SLC22A23: variants seen among roughly 807,000 people sequenced by gnomAD.
SLC22A23 encodes the protein solute carrier family 22 member 23.
In SLC22A23, 26 loss-of-function variants were observed where a neutral mutation model predicts 61.0. The ratio of observed to expected loss-of-function variants is 0.43; its 90% confidence interval spans 0.31 to 0.59. The LOEUF is 0.59. Among genes scored for constraint, SLC22A23 ranks in the 20% least tolerant of loss-of-function variants. The pLI, the probability that SLC22A23 is intolerant of heterozygous loss-of-function variation, is 0.11. For synonymous variants in SLC22A23, 430 were observed against 413.9 expected (o/e 1.04, Z -0.47); for missense variants, 796 against 934.7 (o/e 0.85, Z 1.94).
At chr6:3,301,896 A>G (rs1397321610) in intron 4 of SLC22A23, among the ~76,000 whole-genome samples, 1 of 152,268 alleles carries the variant, frequency 6.6e-6, no homozygotes, top group Admixed American at 6.5e-5. Context: ...AAAATGCGGC[A>G]TATTTGAGTA....
intron 3 of SLC22A23, among the ~76,000 whole-genome samples, chr6:3,389,267 T>TC (rs1767507795): frequency 4.9e-4 from 5 of 10,172 alleles, no homozygotes; most frequent in Admixed American, 1.5e-3. Context: ...AAACTCTGTC[T>TC]CAAAAAAAAA....
rs149235221 is a variant in SLC22A23 at position 3,435,525 on chromosome 6, G to A, written c.655-19670C>T. On this transcript the variant is annotated intron_variant, in intron 1 of 9. Transcript: ENST00000406686. ...CTGTCACCACCTGGATTGTGAACACGGCAGCCAACTCCTATGGAAGTTCTG... is the reference window on the plus strand; with the variant it reads ...CTGTCACCACCTGGATTGTGAACACAGCAGCCAACTCCTATGGAAGTTCTG... Among the ~76,000 whole-genome samples, 182 of 152,176 alleles carry A rather than the reference G, an allele frequency of 1.2e-3. No homozygotes were observed. The Middle Eastern group carries it at 0.031, about 26-fold the overall frequency.
At chr6:3,306,694 C>G (rs116218710) in intron 4 of SLC22A23, among the ~76,000 whole-genome samples, 1 of 152,164 alleles carries the variant, frequency 6.6e-6, no homozygotes. Flanking sequence ...GTGGGAAGGA[C>G]GTGGGCAGAA....
rs9501974 is a variant in SLC22A23 at position 3,272,541 on chromosome 6, T to C, written c.*514A>G. On this transcript the variant is annotated 3_prime_UTR_variant, in exon 10 of 10. Transcript: ENST00000406686. ...ACCTTAAAAAACCATACACAGACTC[T>C]AGCAAAAGCCAAATTCATGTACATT... 13,754 of 152,788 alleles carry C rather than the reference T, an allele frequency of 0.09. 731 individuals are homozygous for C. The highest frequency in any genetic ancestry group is 0.17 in the Middle Eastern group (50 of 292). 9.5% of individuals were successfully genotyped at this position (152,788 alleles called of 1,614,324 possible). A position where few individuals can be genotyped will look rare whatever the true frequency, so the allele number is the denominator to read the frequency against.
At chr6:3,425,555 A>G (rs1770438675) in intron 1 of SLC22A23, among the ~76,000 whole-genome samples, 1 of 152,184 alleles carries the variant, frequency 6.6e-6, no homozygotes. Context: ...AAGCGCTGGG[A>G]TTACAGGCAT....
chr6:3,426,592 G>T (rs1347608388), intron 1 of SLC22A23, among the ~76,000 whole-genome samples: 2 of 152,164 alleles, frequency 1.3e-5, no homozygotes, highest in Admixed American at 6.5e-5. Context: ...TACCTGAGAT[G>T]GTAAACCAGT....
chr6:3,288,219 C>G (rs1041668670), intron 6 of SLC22A23, among the ~76,000 whole-genome samples: 1 of 152,146 alleles, frequency 6.6e-6, no homozygotes, highest in Non-Finnish European at 1.5e-5. Context: ...CCTCGAGGGA[C>G]CCTTCTTATG....
chr6:3,439,953 G>C (rs1397717277), intron 1 of SLC22A23, among the ~76,000 whole-genome samples: 1 of 152,132 alleles, frequency 6.6e-6, no homozygotes, highest in Non-Finnish European at 1.5e-5. Flanking sequence ...GATGGGGATG[G>C]AGGCAGGAGA....
At chr6:3,431,062 GTC>G (rs1487513391) in intron 1 of SLC22A23, among the ~76,000 whole-genome samples, 1 of 129,966 alleles carries the variant, frequency 7.7e-6, no homozygotes, top group Admixed American at 8.0e-5. Context: ...GCAAAACTCC[GTC>G]TCAAAAAAAA....
At chr6:3,418,866 TG>T (rs1368456082) in intron 1 of SLC22A23, among the ~76,000 whole-genome samples, 5 of 152,218 alleles carry the variant, frequency 3.3e-5, no homozygotes, top group Non-Finnish European at 7.3e-5. Flanking sequence ...AGGGTAGCGC[TG>T]GGGGAACCCA....
chr6:3,402,256 C>T (rs1384545188), intron 3 of SLC22A23, among the ~76,000 whole-genome samples: 2 of 152,206 alleles, frequency 1.3e-5, no homozygotes, highest in South Asian at 2.1e-4. Flanking sequence ...GGCCTGCTCA[C>T]ACTGCAGCCT....
intron 3 of SLC22A23, among the ~76,000 whole-genome samples, chr6:3,337,305 C>T (rs952652893): frequency 1.3e-5 from 2 of 152,142 alleles, no homozygotes; most frequent in Non-Finnish European, 2.9e-5. Context: ...GTGCCTAAGG[C>T]GGAGGTGCCA....
rs774743449 is a variant in SLC22A23, at chr6:3,284,014, G to A, written c.1580-39C>T. 2.5e-6 allele frequency: 4 copies of A among 1,576,782 alleles called. No homozygotes were observed. The Admixed American group carries it at 6.8e-5, about 27-fold the overall frequency. On this transcript the variant is annotated intron_variant, in intron 8 of 9. Coordinates refer to ENST00000406686, the MANE Select transcript of SLC22A23 (RefSeq NM_015482.2). ...AGAAGAAGGTGGTGAGGGAAGAGAG[G>A]AAGCCAGGCCAGGGTGGGAGGGAGG...
chr6:3,284,841 G>T, intron 8 of SLC22A23: 1 of 1,424,312 alleles, frequency 7.0e-7, no homozygotes, highest in African/African-American at 1.4e-5. Flanking sequence ...AAGGGGCGGG[G>T]GCATGCGTGC....
chr6:3,408,839 C>G (rs1011031259), intron 3 of SLC22A23, among the ~76,000 whole-genome samples: 5 of 152,222 alleles, frequency 3.3e-5, no homozygotes, highest in African/African-American at 9.6e-5. Flanking sequence ...CTGCCCTCCC[C>G]CTGTGAGAAT....
chr6:3,283,991 A>G lies in SLC22A23; in HGVS notation c.1580-16T>C. The G allele has an allele frequency of 6.3e-7, 1 of 1,594,728 alleles. No homozygotes were observed. Among genetic ancestry groups the G allele is most frequent in the South Asian group, 1.1e-5 (1 of 89,730 alleles). On this transcript the variant is annotated splice_polypyrimidine_tract_variant and intron_variant, in intron 8 of 9. Coordinates refer to ENST00000406686, the MANE Select transcript of SLC22A23 (RefSeq NM_015482.2). Reference sequence around the variant, plus strand: ...TCACTCATCCCTGGGGGAAGGTCAGAAGAAGGTGGTGAGGGAAGAGAGGAA... The same window carrying G: ...TCACTCATCCCTGGGGGAAGGTCAGGAGAAGGTGGTGAGGGAAGAGAGGAA...
intron 5 of SLC22A23, among the ~76,000 whole-genome samples, chr6:3,292,623 T>G (rs1423192304): frequency 1.3e-5 from 2 of 152,240 alleles, no homozygotes; most frequent in Non-Finnish European, 2.9e-5. Flanking sequence ...CTGCAGCCCC[T>G]GTGCCTCCAC....
At chr6:3,376,759 C>G (rs1379625040) in intron 3 of SLC22A23, among the ~76,000 whole-genome samples, 1 of 152,070 alleles carries the variant, frequency 6.6e-6, no homozygotes, top group Non-Finnish European at 1.5e-5. Flanking sequence ...GAGAAGGCAT[C>G]CTGTAAGAAA....
intron 4 of SLC22A23, among the ~76,000 whole-genome samples, chr6:3,316,558 C>T (rs1031472894): frequency 5.9e-5 from 9 of 152,246 alleles, no homozygotes; most frequent in Non-Finnish European, 1.0e-4. Flanking sequence ...CATTTAAGCA[C>T]TCACATGTTG....
Sources: gnomAD v4.1 joint callset for allele counts (sites outside exome capture counted in the v4.1 genomes callset) on GRCh38, gnomAD v4.1.1 for gene constraint, MANE v1.5 for transcripts, NCBI Gene and HGNC (gene_info 2026-07-23, HGNC 2026-07-21) for gene names.